The following PTPRG variants were observed in gnomAD, a reference collection of about 807,000 sequenced individuals.
PTPRG encodes protein tyrosine phosphatase receptor type G, also known as receptor-type tyrosine-protein phosphatase gamma.
Under a neutral mutation model 165.3 loss-of-function variants are expected in PTPRG, and 102 were observed. That is an observed-to-expected ratio of 0.62 (90% confidence interval 0.53 to 0.73). PTPRG has a LOEUF of 0.73. PTPRG is among the 30% of genes least tolerant of loss of function. PTPRG has a pLI of 0.00. For missense variants in PTPRG, 1,866 were observed against 1,861.4 expected, an observed-to-expected ratio of 1.00 and a Z score of -0.05; for synonymous variants, 675 against 669.5, an observed-to-expected ratio of 1.01 and a Z score of -0.13.
intron 2 of PTPRG, among the ~76,000 whole-genome samples, chr3:61,987,577 T>TA (rs2107689433): frequency 6.6e-6 from 1 of 152,340 alleles, no homozygotes; most frequent in Non-Finnish European, 1.5e-5. Context: ...CATATCATTT[T>TA]TCTCTGTTGA....
At chr3:61,721,028 A>G (rs528906521) in intron 1 of PTPRG, among the ~76,000 whole-genome samples, 12 of 152,232 alleles carry the variant, frequency 7.9e-5, no homozygotes, top group African/African-American at 2.4e-4. Flanking sequence ...CTCTCTGGTG[A>G]TTGTCTTACA....
Position 61,561,817 on chromosome 3 carries a change from C to A in PTPRG, c.-471C>A. Reference sequence around the variant, plus strand: ...AACATGCCTCCTTCCTTCCCGGGGCCCTGGAAGGAGCTGCCTGCCTGAAGC... The same window carrying A: ...AACATGCCTCCTTCCTTCCCGGGGCACTGGAAGGAGCTGCCTGCCTGAAGC... On this transcript the variant is annotated 5_prime_UTR_variant, in exon 1 of 30. Coordinates refer to ENST00000474889, the MANE Select transcript of PTPRG (RefSeq NM_002841.4). 1 of 153,810 alleles carries A rather than the reference C, an allele frequency of 6.5e-6. No homozygotes were observed. Among genetic ancestry groups the A allele is most frequent in the South Asian group, 1.9e-4 (1 of 5,322 alleles). The allele number at this position is 153,810 out of a possible 1,614,324, so 9.5% of individuals were successfully genotyped here. A position where few individuals can be genotyped will look rare whatever the true frequency, so the allele number is the denominator to read the frequency against.
chr3:61,648,738 T>G (rs915387071), intron 1 of PTPRG, among the ~76,000 whole-genome samples: 1 of 152,186 alleles, frequency 6.6e-6, no homozygotes, highest in Non-Finnish European at 1.5e-5. Context: ...TTACCTTGTA[T>G]TGGAAGAATA....
chr3:62,029,219 G>C (rs755981592), intron 4 of PTPRG, among the ~76,000 whole-genome samples: 73 of 152,274 alleles, frequency 4.8e-4, no homozygotes, highest in Middle Eastern at 3.4e-3. Context: ...AGAATTCTAT[G>C]TGTATCTTCT....
At position 62,293,449 on chromosome 3, in the gene PTPRG, A is replaced by C. The variant is rs1030962542; in HGVS notation, c.*142A>C. 4 of 723,552 alleles carry C rather than the reference A, an allele frequency of 5.5e-6. No homozygotes were observed. Among genetic ancestry groups the C allele is most frequent in the Non-Finnish European group, 6.3e-6 (3 of 474,728 alleles). The allele number at this position is 723,552 out of a possible 1,614,324, so 44.8% of individuals were successfully genotyped here. ...AAAGTTTTGATATTTATTTTTTGCCATTTTATGTCTTAATGGTATCCTACT... is the reference window on the plus strand; with the variant it reads ...AAAGTTTTGATATTTATTTTTTGCCCTTTTATGTCTTAATGGTATCCTACT... On this transcript the variant is annotated 3_prime_UTR_variant, in exon 30 of 30. Transcript: ENST00000474889.
At chr3:61,743,968 A>C (rs989480317) in intron 1 of PTPRG, among the ~76,000 whole-genome samples, 3 of 152,268 alleles carry the variant, frequency 2.0e-5, no homozygotes, top group African/African-American at 7.2e-5. Flanking sequence ...GAAGATATTG[A>C]AAATCAATAG....
chr3:61,646,394 G>A (rs892170805), intron 1 of PTPRG, among the ~76,000 whole-genome samples: 1 of 152,194 alleles, frequency 6.6e-6, no homozygotes, highest in African/African-American at 2.4e-5. Context: ...TCAAAGGCAT[G>A]AGCCACCGCT....
In PTPRG at chr3:61,693,315, G is replaced by GA. The variant is rs373559606; in HGVS notation, c.86-55559dup. ...GGGAAATAATATATTTTATGTAAGA[G>GA]AAAATTCAGATGCTTCTACTTATTA... On this transcript the variant is annotated intron_variant, in intron 1 of 29. Coordinates refer to ENST00000474889, the MANE Select transcript of PTPRG (RefSeq NM_002841.4). 1.9e-3 allele frequency among the ~76,000 whole-genome samples: 283 copies of GA among 152,294 alleles called. 2 individuals carry two copies. Among genetic ancestry groups the GA allele is most frequent in the African/African-American group, 6.6e-3 (273 of 41,570 alleles).
intron 2 of PTPRG, among the ~76,000 whole-genome samples, chr3:61,936,253 CACAG>C (rs529731284): frequency 2.6e-5 from 4 of 152,302 alleles, no homozygotes; most frequent in East Asian, 3.9e-4. Context: ...GTTACAGCAG[CACAG>C]ACAGACTAAG....
At chr3:61,889,258 G>A (rs2107494407) in intron 2 of PTPRG, among the ~76,000 whole-genome samples, 1 of 152,304 alleles carries the variant, frequency 6.6e-6, no homozygotes, top group East Asian at 1.9e-4. Flanking sequence ...CTACTGGAAA[G>A]AAGCACTTTA....
At chr3:61,722,326 G>A (rs1359609004) in intron 1 of PTPRG, among the ~76,000 whole-genome samples, 1 of 152,182 alleles carries the variant, frequency 6.6e-6, no homozygotes, top group Non-Finnish European at 1.5e-5. Context: ...ATGCCCCCGT[G>A]GGCCAAATAC....
In PTPRG at chr3:62,293,209, A is replaced by C; in HGVS notation, c.4240A>C (p.Lys1414Gln). The C allele has an allele frequency of 6.2e-7, 1 of 1,610,980 alleles. No homozygotes were observed. The highest frequency in any genetic ancestry group is 8.5e-7 in the Non-Finnish European group (1 of 1,178,770). ...AGCAATGCTTAGCTTGGTCAGCACT[A>C]AAGAAAATGGAAATGGTCCCATGAC... ...YKAMLSLVST[K>Q]ENGNGPMTVD... The change falls in exon 30 of 30, where the codon AAA becomes CAA. Residue 1414 changes from lysine to glutamine, a missense_variant. Coordinates refer to ENST00000474889, the MANE Select transcript of PTPRG (RefSeq NM_002841.4).
chr3:61,737,717 C>A (rs1369656539), intron 1 of PTPRG, among the ~76,000 whole-genome samples: 2 of 151,884 alleles, frequency 1.3e-5, no homozygotes, highest in East Asian at 3.9e-4. Context: ...GGAGTGTCCC[C>A]TGTATTTGAT....
At chr3:62,086,668 G>A (rs1037539810) in intron 5 of PTPRG, among the ~76,000 whole-genome samples, 5 of 152,088 alleles carry the variant, frequency 3.3e-5, no homozygotes, top group Admixed American at 3.3e-4. Context: ...AATGTTTTGG[G>A]TTGATTAAGA....
intron 2 of PTPRG, among the ~76,000 whole-genome samples, chr3:61,987,433 T>C (rs535411845): frequency 6.6e-6 from 1 of 152,338 alleles, no homozygotes; most frequent in Admixed American, 6.5e-5. Flanking sequence ...GAATGGCAAG[T>C]ACTTTTCTGA....
intron 2 of PTPRG, among the ~76,000 whole-genome samples, chr3:61,788,635 G>T (rs1387990011): frequency 1.3e-5 from 2 of 152,230 alleles, no homozygotes; most frequent in East Asian, 3.8e-4. Context: ...CAAGTTCACA[G>T]ATCACTGGAG....
chr3:62,121,940 CTCATTGCAATTTAATTTT>C (rs1309193322), intron 5 of PTPRG, among the ~76,000 whole-genome samples: 2 of 152,172 alleles, frequency 1.3e-5, no homozygotes, highest in Admixed American at 1.3e-4. Flanking sequence ...TTTGTCTTTC[CTCATTGCAATTTAATTTT>C]AACCTCTGTT....
chr3:62,127,269 T>G (rs1321596842), intron 5 of PTPRG, among the ~76,000 whole-genome samples: 1 of 152,190 alleles, frequency 6.6e-6, no homozygotes, highest in East Asian at 1.9e-4. Context: ...CAAAATCTAG[T>G]TAGTGGTCAC....
At chr3:61,908,121 T>TAAAAAAA (rs1183592777) in intron 2 of PTPRG, among the ~76,000 whole-genome samples, 1 of 67,152 alleles carries the variant, frequency 1.5e-5, no homozygotes, top group Admixed American at 2.3e-4. Flanking sequence ...CACCTCTCTT[T>TAAAAAAA]AAAAAAAAAA....
Sources: allele counts gnomAD v4.1 joint callset (sites outside exome capture counted in the v4.1 genomes callset), GRCh38; gene constraint gnomAD v4.1.1; transcripts MANE v1.5; gene names NCBI Gene and HGNC (gene_info 2026-07-23, HGNC 2026-07-21).